NCAM2: variants seen among roughly 807,000 people sequenced by gnomAD.
NCAM2 encodes the protein neural cell adhesion molecule 2.
Under a neutral mutation model 98.1 loss-of-function variants are expected in NCAM2, and 30 were observed. That is an observed-to-expected ratio of 0.31 (90% confidence interval 0.23 to 0.41). The LOEUF is 0.41. Ranked by LOEUF, NCAM2 falls within the 10% of genes least tolerant of loss-of-function variation. NCAM2 has a pLI of 1.00. For synonymous variants in NCAM2, 368 were observed against 342.4 expected (o/e 1.07, Z -0.83); for missense variants, 867 against 1,005.8 (o/e 0.86, Z 1.87).
intron 1 of NCAM2, among the ~76,000 whole-genome samples, chr21:21,113,449 C>T (rs1337171633): frequency 6.6e-6 from 1 of 152,030 alleles, no homozygotes; most frequent in East Asian, 1.9e-4. Flanking sequence ...TGCATATTAG[C>T]CATTTTCTGT....
chr21:21,066,837 G>C lies in NCAM2; in HGVS notation c.55+68219G>C, dbSNP rs1451190645. 2.6e-5 allele frequency among the ~76,000 whole-genome samples: 4 copies of C among 151,940 alleles called. No individual in the cohort carries two copies. In the East Asian group the frequency reaches 7.7e-4, roughly 29 times the overall value. ...ATTAGATGAAGTCAGTTTTCTTAATGTTTCTATGGAAATAACTGAATTACT... is the reference window on the plus strand; with the variant it reads ...ATTAGATGAAGTCAGTTTTCTTAATCTTTCTATGGAAATAACTGAATTACT... On this transcript the variant is annotated intron_variant, in intron 1 of 17. Transcript: ENST00000400546.
In NCAM2 at chr21:21,268,593, T is replaced by C. The variant is rs73318660; in HGVS notation, c.56-11985T>C. Among the ~76,000 whole-genome samples, 1,409 of 152,254 alleles carry C rather than the reference T, an allele frequency of 9.3e-3. 25 individuals are homozygous for C. Among genetic ancestry groups the C allele is most frequent in the African/African-American group, 0.032 (1,347 of 41,550 alleles). ...CGTTATATCAGCCTTTCTTTCAATA[T>C]GTGGAAAACCTCTCACTGTTATTTT... On this transcript the variant is annotated intron_variant, in intron 1 of 17. Coordinates refer to ENST00000400546, the MANE Select transcript of NCAM2 (RefSeq NM_004540.5).
At chr21:21,274,192 C>T (rs2072636245) in intron 1 of NCAM2, among the ~76,000 whole-genome samples, 1 of 151,348 alleles carries the variant, frequency 6.6e-6, no homozygotes, top group Non-Finnish European at 1.5e-5. Flanking sequence ...ATTTTAATCA[C>T]TTAGCCCTAG....
At chr21:21,057,897 C>T (rs1277934918) in intron 1 of NCAM2, among the ~76,000 whole-genome samples, 1 of 151,950 alleles carries the variant, frequency 6.6e-6, no homozygotes, top group East Asian at 1.9e-4. Context: ...CTTTCCCTAC[C>T]CCTTATGGAG....
intron 1 of NCAM2, among the ~76,000 whole-genome samples, chr21:21,180,261 T>C (rs1243295425): frequency 6.6e-6 from 1 of 152,354 alleles, no homozygotes; most frequent in East Asian, 1.9e-4. Flanking sequence ...ATTTTATGGA[T>C]ACATAATAGT....
chr21:21,249,132 G>T (rs2071390983), intron 1 of NCAM2, among the ~76,000 whole-genome samples: 1 of 152,028 alleles, frequency 6.6e-6, no homozygotes, highest in South Asian at 2.1e-4. Flanking sequence ...ATGTTACCTA[G>T]AATCTAAATC....
intron 8 of NCAM2, among the ~76,000 whole-genome samples, chr21:21,347,772 ATCAT>A (rs1048315660): frequency 1.1e-4 from 17 of 152,036 alleles, no homozygotes; most frequent in African/African-American, 4.1e-4. Context: ...CATTAGACAA[ATCAT>A]TCATCATGAC....
intron 15 of NCAM2, among the ~76,000 whole-genome samples, chr21:21,499,317 C>T (rs1275752697): frequency 6.6e-6 from 1 of 152,182 alleles, no homozygotes; most frequent in Non-Finnish European, 1.5e-5. Context: ...TCTCGGCTCA[C>T]TGCAACCTCC....
At chr21:21,193,093 T>C (rs2068878919) in intron 1 of NCAM2, among the ~76,000 whole-genome samples, 1 of 152,148 alleles carries the variant, frequency 6.6e-6, no homozygotes, top group Non-Finnish European at 1.5e-5. Flanking sequence ...AAAAGCTCCG[T>C]TTATGGATTA....
chr21:21,205,116 G>A (rs922787361), intron 1 of NCAM2, among the ~76,000 whole-genome samples: 4 of 152,054 alleles, frequency 2.6e-5, no homozygotes, highest in South Asian at 2.1e-4. Context: ...ACGGTAAACC[G>A]TATTCATTTC....
chr21:21,526,980 GTAATATTGACC>G (rs1408666833), intron 16 of NCAM2, among the ~76,000 whole-genome samples: 3 of 152,062 alleles, frequency 2.0e-5, no homozygotes, highest in African/African-American at 2.4e-5. Context: ...AACTCAAAAT[GTAATATTGACC>G]TAAATATAAA....
chr21:21,056,408 G>T (rs2065209927), intron 1 of NCAM2, among the ~76,000 whole-genome samples: 1 of 151,652 alleles, frequency 6.6e-6, no homozygotes, highest in African/African-American at 2.4e-5. Context: ...ATCTGACTCA[G>T]TTATCAAGTT....
chr21:21,186,167 G>A (rs913112043), intron 1 of NCAM2, among the ~76,000 whole-genome samples: 1 of 152,138 alleles, frequency 6.6e-6, no homozygotes, highest in African/African-American at 2.4e-5. Flanking sequence ...ATAAAGAGAA[G>A]TGAATTATGT....
At chr21:21,298,903 T>C (rs1235880875) in intron 5 of NCAM2, among the ~76,000 whole-genome samples, 1 of 151,290 alleles carries the variant, frequency 6.6e-6, no homozygotes, top group Non-Finnish European at 1.5e-5. Flanking sequence ...CCATTCTGAA[T>C]TTATCTGTTT....
At chr21:21,268,533 C>A (rs2072372879) in intron 1 of NCAM2, among the ~76,000 whole-genome samples, 1 of 152,186 alleles carries the variant, frequency 6.6e-6, no homozygotes, top group South Asian at 2.1e-4. Flanking sequence ...TTCACACACA[C>A]ACATATAGCC....
chr21:21,037,379 A>G (rs1044974829), intron 1 of NCAM2, among the ~76,000 whole-genome samples: 1 of 152,138 alleles, frequency 6.6e-6, no homozygotes, highest in Non-Finnish European at 1.5e-5. Flanking sequence ...TTTTCCTGTT[A>G]TGTTATATGT....
chr21:21,196,914 C>A (rs2069024509), intron 1 of NCAM2, among the ~76,000 whole-genome samples: 1 of 152,060 alleles, frequency 6.6e-6, no homozygotes, highest in South Asian at 2.1e-4. Context: ...TGAGTGAGTT[C>A]TTGGGAGATC....
chr21:21,309,880 A>T (rs1304340183), intron 5 of NCAM2, among the ~76,000 whole-genome samples: 1 of 152,134 alleles, frequency 6.6e-6, no homozygotes, highest in Admixed American at 6.5e-5. Context: ...GAATGATTTC[A>T]TTGACTGATT....
intron 1 of NCAM2, among the ~76,000 whole-genome samples, chr21:21,258,935 G>A (rs1229835919): frequency 6.6e-6 from 1 of 152,120 alleles, no homozygotes; most frequent in African/African-American, 2.4e-5. Context: ...TGGGACAAAG[G>A]AAACACGGAC....
Sources: gnomAD v4.1 joint callset for allele counts (sites outside exome capture counted in the v4.1 genomes callset) on GRCh38, gnomAD v4.1.1 for gene constraint, MANE v1.5 for transcripts, NCBI Gene and HGNC (gene_info 2026-07-23, HGNC 2026-07-21) for gene names.